The following SLX4IP variants were observed in gnomAD, a reference collection of about 807,000 sequenced individuals.
SLX4IP encodes the protein SLX4 interacting protein.
In SLX4IP, 34 loss-of-function variants were observed where a neutral mutation model predicts 32.9. The observed-to-expected ratio is 1.03, with a 90% CI of 0.79 to 1.38. SLX4IP has a LOEUF of 1.38. Among genes scored for constraint, SLX4IP ranks in the 40% most tolerant of loss-of-function variants. The probability of loss-of-function intolerance (pLI) is 0.00; values close to 1 mark genes in which losing one functional copy is unlikely to be tolerated. For synonymous variants in SLX4IP, 172 were observed against 171.7 expected, an observed-to-expected ratio of 1.00 and a Z score of -0.01; for missense variants, 444 against 479.0, an observed-to-expected ratio of 0.93 and a Z score of 0.68.
At chr20:10,592,522 G>A (rs190391299) in intron 4 of SLX4IP, among the ~76,000 whole-genome samples, 3 of 150,414 alleles carry the variant, frequency 2.0e-5, no homozygotes. Context: ...CTTTTGATAA[G>A]GACAAGGTGC....
At chr20:10,475,842 G>A (rs1052599353) in intron 2 of SLX4IP, among the ~76,000 whole-genome samples, 1 of 152,200 alleles carries the variant, frequency 6.6e-6, no homozygotes, top group East Asian at 1.9e-4. Context: ...AGAAAGAGGG[G>A]CATAGATTCC....
At chr20:10,596,995 G>T (rs2066778246) in intron 4 of SLX4IP, among the ~76,000 whole-genome samples, 1 of 152,188 alleles carries the variant, frequency 6.6e-6, no homozygotes, top group South Asian at 2.1e-4. Context: ...TCCTTTCATA[G>T]ATGTCACTGT....
Position 10,625,622 on chromosome 20 carries a change from GTCTTGGC to G in SLX4IP, c.*2245_*2251del, listed in dbSNP as rs2067163389. On this transcript the variant is annotated 3_prime_UTR_variant, in exon 8 of 8. Transcript: ENST00000334534. ...TTAGAATGATTCTCTGTCAGGAAAA[GTCTTGGC>G]TTTAGAGTTTGTTATAGTTGGGGAT... 1 of 152,216 alleles carries G rather than the reference GTCTTGGC, an allele frequency of 6.6e-6. No homozygotes were observed. Among genetic ancestry groups the G allele is most frequent in the Non-Finnish European group, 1.5e-5 (1 of 68,048 alleles). 9.4% of individuals were successfully genotyped at this position (152,216 alleles called of 1,614,324 possible). A position where few individuals can be genotyped will look rare whatever the true frequency, so the allele number is the denominator to read the frequency against.
chr20:10,595,315 G>A (rs565155803), intron 4 of SLX4IP, among the ~76,000 whole-genome samples: 3 of 152,270 alleles, frequency 2.0e-5, no homozygotes, highest in Admixed American at 1.3e-4. Flanking sequence ...TCGCCAGCAA[G>A]GAAACAGGCA....
intron 4 of SLX4IP, among the ~76,000 whole-genome samples, chr20:10,582,592 A>G (rs1252606236): frequency 6.6e-6 from 1 of 152,160 alleles, no homozygotes; most frequent in Non-Finnish European, 1.5e-5. Context: ...ATGTATCTAT[A>G]AATCTATATT....
intron 1 of SLX4IP, among the ~76,000 whole-genome samples, chr20:10,446,577 A>G (rs953124636): frequency 2.0e-5 from 3 of 152,088 alleles, no homozygotes; most frequent in Admixed American, 6.6e-5. Context: ...TACCACTTTT[A>G]CAGTCCCACC....
intron 6 of SLX4IP, among the ~76,000 whole-genome samples, chr20:10,615,643 A>G (rs2067017048): frequency 1.3e-5 from 2 of 152,264 alleles, no homozygotes; most frequent in South Asian, 4.1e-4. Context: ...GGACCCTTAC[A>G]TCATCTTAGT....
chr20:10,578,014 A>C (rs2066540922), intron 4 of SLX4IP, among the ~76,000 whole-genome samples: 1 of 152,252 alleles, frequency 6.6e-6, no homozygotes, highest in Non-Finnish European at 1.5e-5. Context: ...TTTAAAAATG[A>C]GGAACACAGT....
chr20:10,620,720 G>GT lies in SLX4IP; in HGVS notation c.406-586dup, dbSNP rs556284766. The stretch of plus-strand genomic sequence containing the variant: ...AGGCATCTGCCACCACGTCCCGCTA[G>GT]TTTTTTTTGTATTTTTAGTAGAGAC... On this transcript the variant is annotated intron_variant, in intron 6 of 7. Transcript: ENST00000334534. Among the ~76,000 whole-genome samples, 482 of 151,990 alleles carry GT rather than the reference G, an allele frequency of 3.2e-3. 3 individuals carry two copies. The highest frequency in any genetic ancestry group is 0.011 in the African/African-American group (464 of 41,486).
intron 2 of SLX4IP, among the ~76,000 whole-genome samples, chr20:10,537,715 A>G (rs1106392): frequency 0.029 from 4,426 of 152,342 alleles, 111 homozygotes; most frequent in Admixed American, 0.09. Context: ...ATAATACATG[A>G]GAAGAATCTT....
At chr20:10,441,358 C>G (rs897400977) in intron 1 of SLX4IP, among the ~76,000 whole-genome samples, 1 of 152,130 alleles carries the variant, frequency 6.6e-6, no homozygotes, top group Non-Finnish European at 1.5e-5. Flanking sequence ...ATCACTTGAA[C>G]CTGGGGAGGT....
At chr20:10,502,389 G>C (rs1734802257) in intron 2 of SLX4IP, among the ~76,000 whole-genome samples, 1 of 152,142 alleles carries the variant, frequency 6.6e-6, no homozygotes, top group African/African-American at 2.4e-5. Context: ...CCAATGCTGG[G>C]GTATTGATCC....
intron 1 of SLX4IP, among the ~76,000 whole-genome samples, chr20:10,435,851 T>C (rs2065107280): frequency 6.6e-6 from 1 of 152,190 alleles, no homozygotes; most frequent in Non-Finnish European, 1.5e-5. Flanking sequence ...TTCATTGCAT[T>C]TCTTGAGTAC....
chr20:10,496,760 T>C (rs565982743), intron 2 of SLX4IP, among the ~76,000 whole-genome samples: 1 of 152,260 alleles, frequency 6.6e-6, no homozygotes, highest in Non-Finnish European at 1.5e-5. Flanking sequence ...TGTTGTTGGC[T>C]AGAACTGTGC....
At chr20:10,576,260 G>A (rs1056100945) in intron 4 of SLX4IP, among the ~76,000 whole-genome samples, 3 of 152,090 alleles carry the variant, frequency 2.0e-5, no homozygotes, top group African/African-American at 4.8e-5. Flanking sequence ...CCTTTGGTAC[G>A]ATAGACATTT....
At chr20:10,614,358 C>T (rs1407943693) in intron 6 of SLX4IP, 20 of 558,926 alleles carry the variant, frequency 3.6e-5, no homozygotes, top group South Asian at 2.7e-4. Context: ...CTTCACATGA[C>T]GTTTTACAAT....
At chr20:10,600,586 T>G (rs2066829778) in intron 5 of SLX4IP, among the ~76,000 whole-genome samples, 1 of 152,042 alleles carries the variant, frequency 6.6e-6, no homozygotes, top group South Asian at 2.1e-4. Context: ...TAGTGTAAGG[T>G]GTTAACTTGT....
intron 5 of SLX4IP, 49 bp downstream of exon 5, chr20:10,598,801 G>A: frequency 6.4e-7 from 1 of 1,565,934 alleles, no homozygotes; most frequent in Non-Finnish European, 8.8e-7. Flanking sequence ...CAATCTGCTT[G>A]CCCTAGATAG....
Position 10,538,571 on chromosome 20 carries a change from G to A in SLX4IP, c.28-17660G>A, listed in dbSNP as rs987646517. Among the ~76,000 whole-genome samples, 32 of 151,758 alleles carry A rather than the reference G, an allele frequency of 2.1e-4. 1 individual carries two copies. The East Asian group carries it at 3.1e-3, about 15-fold the overall frequency. ...GACAGAGTCTCACTCTGTCGCCCAG[G>A]CTGGAGTGCAGTGGTGCCATCTTGG... On this transcript the variant is annotated intron_variant, in intron 2 of 7. Coordinates refer to ENST00000334534, the MANE Select transcript of SLX4IP (RefSeq NM_001009608.3).
Sources: gnomAD v4.1 joint callset for allele counts (sites outside exome capture counted in the v4.1 genomes callset) on GRCh38, gnomAD v4.1.1 for gene constraint, MANE v1.5 for transcripts, NCBI Gene and HGNC (gene_info 2026-07-23, HGNC 2026-07-21) for gene names.